SOAT1: variants seen among roughly 807,000 people sequenced by gnomAD.
SOAT1 encodes sterol O-acyltransferase 1.
A neutral mutation model predicts 69.5 loss-of-function variants in SOAT1; 55 were observed. The ratio of observed to expected loss-of-function variants is 0.79; its 90% CI spans 0.64 to 0.99. SOAT1 has a LOEUF of 0.99. Among genes scored for constraint, SOAT1 ranks in the 50% least tolerant of loss-of-function variants. SOAT1 has a pLI of 0.00. For synonymous variants in SOAT1, 231 were observed against 224.7 expected, an observed-to-expected ratio of 1.03 and a Z score of -0.25; for missense variants, 580 against 669.3, an observed-to-expected ratio of 0.87 and a Z score of 1.47.
rs577990523 is a variant in SOAT1 at position 179,333,632 on chromosome 1, G to A, written c.178-1874G>A. ...GAGGCGGGCGAATCACCTGAGGTTC[G>A]AGACCAGCCTGACCACCATGGAGAA... On this transcript the variant is annotated intron_variant, in intron 3 of 15. Coordinates refer to ENST00000367619, the MANE Select transcript of SOAT1 (RefSeq NM_003101.6). Among the ~76,000 whole-genome samples, 136 of 152,092 alleles carry A rather than the reference G, an allele frequency of 8.9e-4. 1 individual carries two copies. The highest frequency in any genetic ancestry group is 8.2e-3 in the Admixed American group (125 of 15,272).
At chr1:179,311,155 C>T (rs1050235566) in intron 2 of SOAT1, among the ~76,000 whole-genome samples, 4 of 152,104 alleles carry the variant, frequency 2.6e-5, no homozygotes, top group Non-Finnish European at 5.9e-5. Context: ...TGCTTGAGAC[C>T]GGGAATTCAA....
At chr1:179,310,177 G>A (rs1329134489) in intron 2 of SOAT1, among the ~76,000 whole-genome samples, 2 of 151,464 alleles carry the variant, frequency 1.3e-5, no homozygotes, top group East Asian at 3.9e-4. Flanking sequence ...TGGGATTACA[G>A]GCATGAGCCA....
In SOAT1 at chr1:179,344,352, G is replaced by GTTTTTTTTTTT. The variant is rs762911049; in HGVS notation, c.988-595_988-594insTTTTTTTTTTT. Among the ~76,000 whole-genome samples, 30 of 120,556 alleles carry GTTTTTTTTTTT rather than the reference G, an allele frequency of 2.5e-4. 11 individuals carry two copies. Among genetic ancestry groups the GTTTTTTTTTTT allele is most frequent in the East Asian group, 5.0e-4 (2 of 4,024 alleles). 79.1% of individuals were successfully genotyped at this position (120,556 alleles called of 152,430 possible). On this transcript the variant is annotated intron_variant, in intron 10 of 15. Coordinates refer to ENST00000367619, the MANE Select transcript of SOAT1 (RefSeq NM_003101.6). ...TATGAAGTAAGTTCTTTCATTAAGGGGTTTTTTTTTTTTTTTTTTTTTTTT... is the reference window on the plus strand; with the variant it reads ...TATGAAGTAAGTTCTTTCATTAAGGGTTTTTTTTTTTGTTTTTTTTTTTTTTTTTTTTTTTT...
At chr1:179,313,873 C>G (rs1039625117) in intron 2 of SOAT1, among the ~76,000 whole-genome samples, 1 of 152,146 alleles carries the variant, frequency 6.6e-6, no homozygotes, top group Non-Finnish European at 1.5e-5. Flanking sequence ...TGTGAGCCAC[C>G]GTGCCTGGCC....
chr1:179,298,294 TAGCC>T (rs1664721627), intron 1 of SOAT1, among the ~76,000 whole-genome samples: 1 of 151,854 alleles, frequency 6.6e-6, no homozygotes, highest in African/African-American at 2.4e-5. Context: ...CGTGCTAGGC[TAGCC>T]AGGATGGTCT....
At chr1:179,343,019 G>T (rs757812577) in intron 9 of SOAT1, 76 bp downstream of exon 9, 3 of 1,087,284 alleles carry the variant, frequency 2.8e-6, no homozygotes, top group Non-Finnish European at 4.3e-6. Flanking sequence ...GTAAACAGGG[G>T]CCAGTTCATG....
At chr1:179,301,782 A>G (rs1664838502) in intron 1 of SOAT1, among the ~76,000 whole-genome samples, 2 of 152,284 alleles carry the variant, frequency 1.3e-5, no homozygotes, top group Admixed American at 1.3e-4. Context: ...TCGTAGTTCA[A>G]TTCCTTCATG....
intron 2 of SOAT1, among the ~76,000 whole-genome samples, chr1:179,313,803 C>T (rs1333971550): frequency 6.6e-6 from 1 of 152,084 alleles, no homozygotes; most frequent in Non-Finnish European, 1.5e-5. Flanking sequence ...AGGCTGGTCT[C>T]GAACTCCTGA....
intron 2 of SOAT1, among the ~76,000 whole-genome samples, chr1:179,309,992 C>T (rs1210569000): frequency 3.3e-5 from 5 of 151,956 alleles, no homozygotes; most frequent in African/African-American, 9.7e-5. Context: ...CTCTGCCTCC[C>T]GGGTTCAAGC....
chr1:179,336,599 G>A (rs945902207), intron 4 of SOAT1, among the ~76,000 whole-genome samples: 35 of 151,800 alleles, frequency 2.3e-4, no homozygotes, highest in Non-Finnish European at 3.7e-4. Context: ...GTAGCTATCC[G>A]CATGTTACAG....
At chr1:179,345,488 C>G (rs6425534) in intron 11 of SOAT1, among the ~76,000 whole-genome samples, 1 of 151,850 alleles carries the variant, frequency 6.6e-6, no homozygotes, top group Non-Finnish European at 1.5e-5. Flanking sequence ...TGTACTTTAC[C>G]CCTTATCCAA....
chr1:179,322,348 T>A (rs1328679418), intron 2 of SOAT1, among the ~76,000 whole-genome samples: 1 of 152,080 alleles, frequency 6.6e-6, no homozygotes, highest in African/African-American at 2.4e-5. Flanking sequence ...AGTTTCCTAG[T>A]GTGTTTTATG....
rs1362459468 is a variant in SOAT1, at chr1:179,357,367, T to A, written c.*3726T>A. On this transcript the variant is annotated 3_prime_UTR_variant, in exon 16 of 16. Coordinates refer to ENST00000367619, the MANE Select transcript of SOAT1 (RefSeq NM_003101.6). ...ACAGGTGCCTGCCACCATGTCCAGC[T>A]AATTTTTGTGTTTTTAGTAGAGATG... The A allele has an allele frequency of 6.6e-6, 1 of 152,286 alleles. No homozygotes were observed. Among genetic ancestry groups the A allele is most frequent in the Non-Finnish European group, 1.5e-5 (1 of 68,170 alleles). The allele number at this position is 152,286 out of a possible 1,614,324, so 9.4% of individuals were successfully genotyped here.
At chr1:179,329,750 A>G (rs1049019118) in intron 3 of SOAT1, among the ~76,000 whole-genome samples, 6 of 151,894 alleles carry the variant, frequency 4.0e-5, no homozygotes, top group Non-Finnish European at 8.8e-5. Context: ...GATAGTGTTT[A>G]TCTATTGATT....
intron 13 of SOAT1, among the ~76,000 whole-genome samples, chr1:179,349,329 C>CTTTTTTTT (rs10670085): frequency 7.9e-6 from 1 of 125,896 alleles, no homozygotes; most frequent in African/African-American, 3.2e-5. Context: ...TAGAGAAACA[C>CTTTTTTTT]TTTTTTTTTT....
At chr1:179,294,771 G>A (rs1360411964) in intron 1 of SOAT1, among the ~76,000 whole-genome samples, 1 of 152,210 alleles carries the variant, frequency 6.6e-6, no homozygotes, top group East Asian at 1.9e-4. Flanking sequence ...GACCTCAAGT[G>A]ATCCGCCCGC....
chr1:179,305,147 CT>C (rs749829596), intron 2 of SOAT1, among the ~76,000 whole-genome samples: 1 of 152,202 alleles, frequency 6.6e-6, no homozygotes, highest in Non-Finnish European at 1.5e-5. Context: ...CTTCCTGTCA[CT>C]TTGGATTTGC....
At chr1:179,351,506 C>G in intron 15 of SOAT1, 44 bp downstream of exon 15, 1 of 1,597,750 alleles carries the variant, frequency 6.3e-7, no homozygotes, top group South Asian at 1.1e-5. Flanking sequence ...CCTGTTTATT[C>G]TCTGTTTGTG....
At chr1:179,307,352 A>C (rs1186469609) in intron 2 of SOAT1, among the ~76,000 whole-genome samples, 1 of 152,242 alleles carries the variant, frequency 6.6e-6, no homozygotes, top group Non-Finnish European at 1.5e-5. Flanking sequence ...AGCAAAACAC[A>C]TGCAAGAAGA....
Sources: gnomAD v4.1 joint callset for allele counts (sites outside exome capture counted in the v4.1 genomes callset) on GRCh38, gnomAD v4.1.1 for gene constraint, MANE v1.5 for transcripts, NCBI Gene and HGNC (gene_info 2026-07-23, HGNC 2026-07-21) for gene names.